The following ARMH3 variants were observed in gnomAD, a reference collection of about 807,000 sequenced individuals.
ARMH3 encodes the protein armadillo-like helical domain-containing protein 3.
ARMH3 carries 60 observed loss-of-function variants against 99.1 expected under a neutral mutation model. The ratio of observed to expected loss-of-function variants is 0.61; its 90% confidence interval spans 0.49 to 0.75. The LOEUF (loss-of-function observed/expected upper bound fraction) is 0.75, where lower values mean the gene tolerates loss of function less well. Among genes scored for constraint, ARMH3 ranks in the 30% least tolerant of loss-of-function variants. The pLI is 0.00. For missense variants in ARMH3, 679 were observed against 843.1 expected, an observed-to-expected ratio of 0.81 and a Z score of 2.41; for synonymous variants, 285 against 292.8, an observed-to-expected ratio of 0.97 and a Z score of 0.27.
intron 15 of ARMH3, among the ~76,000 whole-genome samples, chr10:101,999,532 T>C (rs914358956): frequency 2.0e-5 from 3 of 152,138 alleles, no homozygotes; most frequent in African/African-American, 7.2e-5. Flanking sequence ...TGGATCAATC[T>C]GTAGGTACCA....
intron 10 of ARMH3, 50 bp downstream of exon 10, chr10:102,012,783 C>T: frequency 6.5e-7 from 1 of 1,538,412 alleles, no homozygotes; most frequent in Non-Finnish European, 8.9e-7. Context: ...CTCTAACAAC[C>T]AATTCAAATG....
intron 1 of ARMH3, among the ~76,000 whole-genome samples, chr10:102,041,090 A>AATATATATATATATATATATATAATATAT (rs59124276): frequency 1.5e-5 from 2 of 132,642 alleles, no homozygotes; most frequent in Non-Finnish European, 3.3e-5. Context: ...ATATATATAT[A>AATATATATATATATATATATATAATATAT]ATATATATAT....
At chr10:101,902,802 T>C (rs930534417) in intron 23 of ARMH3, among the ~76,000 whole-genome samples, 2 of 152,056 alleles carry the variant, frequency 1.3e-5, no homozygotes, top group African/African-American at 2.4e-5. Flanking sequence ...GCCTGATTCT[T>C]TGACGGCACC....
intron 20 of ARMH3, 149 bp downstream of exon 20, chr10:101,975,063 A>AT (rs1196931116): frequency 4.9e-6 from 2 of 406,220 alleles, no homozygotes; most frequent in Non-Finnish European, 8.7e-6. Flanking sequence ...AAAAAAAAAA[A>AT]AAAAAAAAAA....
At chr10:101,848,719 G>GT (rs2066516819) in intron 25 of ARMH3, among the ~76,000 whole-genome samples, 1 of 152,116 alleles carries the variant, frequency 6.6e-6, no homozygotes, top group Non-Finnish European at 1.5e-5. Flanking sequence ...TAAGGCCGTG[G>GT]TGAGTGTCTC....
At chr10:101,922,928 G>A (rs1327456473) in intron 23 of ARMH3, among the ~76,000 whole-genome samples, 1 of 152,122 alleles carries the variant, frequency 6.6e-6, no homozygotes, top group Admixed American at 6.5e-5. Context: ...GGTGTCTAAT[G>A]AGAGAGAAAT....
chr10:101,953,635 C>T (rs780477810), intron 22 of ARMH3, among the ~76,000 whole-genome samples: 3 of 150,054 alleles, frequency 2.0e-5, no homozygotes, highest in African/African-American at 4.9e-5. Flanking sequence ...GGAAAAGATG[C>T]TCAACATCAT....
intron 22 of ARMH3, among the ~76,000 whole-genome samples, chr10:101,942,728 C>T (rs1413579239): frequency 6.6e-6 from 1 of 151,980 alleles, no homozygotes; most frequent in Admixed American, 6.6e-5. Context: ...TAGCTGGGTG[C>T]CGTGGCACAT....
chr10:101,945,715 T>A (rs1844485047), intron 22 of ARMH3, among the ~76,000 whole-genome samples: 1 of 150,198 alleles, frequency 6.7e-6, no homozygotes, highest in Non-Finnish European at 1.5e-5. Flanking sequence ...AACGAGACTC[T>A]GTCTCAAAAA....
At chr10:101,865,305 T>G (rs1291852858) in intron 24 of ARMH3, among the ~76,000 whole-genome samples, 1 of 151,880 alleles carries the variant, frequency 6.6e-6, no homozygotes, top group Non-Finnish European at 1.5e-5. Flanking sequence ...ATAGAGAGTA[T>G]TTTATCATTT....
chr10:101,975,555 A>ACC (rs1845957747), intron 19 of ARMH3, among the ~76,000 whole-genome samples: 1 of 151,946 alleles, frequency 6.6e-6, no homozygotes, highest in African/African-American at 2.4e-5. Flanking sequence ...ACATGGCAAA[A>ACC]CCCCATCTCT....
intron 23 of ARMH3, among the ~76,000 whole-genome samples, chr10:101,917,053 T>A (rs771052434): frequency 6.6e-6 from 1 of 152,214 alleles, no homozygotes; most frequent in African/African-American, 2.4e-5. Flanking sequence ...TTGGCCTCCA[T>A]AATCATGTGA....
intron 5 of ARMH3, chr10:102,029,428 A>G (rs1336746573): frequency 1.3e-6 from 2 of 1,533,526 alleles, no homozygotes; most frequent in Non-Finnish European, 1.8e-6. Context: ...TCCCGCAGGG[A>G]AAGAATACCT....
chr10:102,045,689 C>T (rs2067532432), intron 1 of ARMH3, among the ~76,000 whole-genome samples: 3 of 152,006 alleles, frequency 2.0e-5, no homozygotes, highest in African/African-American at 7.3e-5. Flanking sequence ...TCCAAATATC[C>T]ATCAGCAGTA....
intron 23 of ARMH3, among the ~76,000 whole-genome samples, chr10:101,912,375 G>C (rs1431719541): frequency 1.7e-5 from 2 of 119,196 alleles, no homozygotes; most frequent in African/African-American, 6.9e-5. Context: ...CCTGGCGACA[G>C]AGTGAGACTC....
At chr10:101,927,294 C>T (rs1843547365) in intron 23 of ARMH3, among the ~76,000 whole-genome samples, 1 of 152,198 alleles carries the variant, frequency 6.6e-6, no homozygotes, top group Non-Finnish European at 1.5e-5. Flanking sequence ...CCTCTGCTGT[C>T]TAAATACATA....
rs34196495 is a variant in ARMH3 at position 101,966,285 on chromosome 10, GTT to G, written c.1496-8555_1496-8554del. 1.5e-3 allele frequency among the ~76,000 whole-genome samples: 123 copies of G among 80,598 alleles called. 4 individuals carry two copies. The highest frequency in any genetic ancestry group is 2.1e-3 in the Non-Finnish European group (95 of 44,824). The allele number at this position is 80,598 out of a possible 152,430, so 52.9% of individuals were successfully genotyped here. A position where few individuals can be genotyped will look rare whatever the true frequency, so the allele number is the denominator to read the frequency against. ...CACACCTGGCTAATTTTTGGTTTGG[GTT>G]TTTTTTTTTTTTTTTTTTTTTTTTT... On this transcript the variant is annotated intron_variant, in intron 20 of 25. Coordinates refer to ENST00000370033, the MANE Select transcript of ARMH3 (RefSeq NM_024541.3).
At chr10:102,016,278 G>A (rs1183677819) in intron 8 of ARMH3, among the ~76,000 whole-genome samples, 4 of 152,180 alleles carry the variant, frequency 2.6e-5, no homozygotes, top group Admixed American at 6.5e-5. Flanking sequence ...CACTTCCTTT[G>A]AGTGTCATGT....
intron 8 of ARMH3, among the ~76,000 whole-genome samples, chr10:102,015,848 T>A (rs1450897990): frequency 6.6e-6 from 1 of 152,224 alleles, no homozygotes; most frequent in African/African-American, 2.4e-5. Context: ...CTAAAATGCT[T>A]TAGGGCTGGG....
Sources: allele counts gnomAD v4.1 joint callset (sites outside exome capture counted in the v4.1 genomes callset), GRCh38; gene constraint gnomAD v4.1.1; transcripts MANE v1.5; gene names NCBI Gene and HGNC (gene_info 2026-07-23, HGNC 2026-07-21).